TNRC18: variants seen among roughly 807,000 people sequenced by gnomAD.
The protein encoded by TNRC18 is trinucleotide repeat containing 18, also known as trinucleotide repeat-containing gene 18 protein.
In TNRC18, 69 loss-of-function variants were observed where a neutral mutation model predicts 226.7. That is an observed-to-expected ratio of 0.30 (90% CI 0.25 to 0.37). The LOEUF (loss-of-function observed/expected upper bound fraction) is 0.37, where lower values mean the gene tolerates loss of function less well. TNRC18 is among the 10% of genes least tolerant of loss of function. The pLI is 1.00. For synonymous variants in TNRC18, 2,449 were observed against 1,927.6 expected (o/e 1.27, Z -7.09); for missense variants, 4,754 against 4,256.6 (o/e 1.12, Z -3.25).
intron 18 of TNRC18, 45 bp downstream of exon 18, chr7:5,345,517 G>GGGGGGGGCGCCCCCCCCCCCCCCCCCCC: frequency 5.3e-6 from 2 of 377,744 alleles, no homozygotes; most frequent in Non-Finnish European, 9.7e-6. Flanking sequence ...AATGGCGTCC[G>GGGGGGGGCGCCCCCCCCCCCCCCCCCCC]CCCCTCCCAC....
chr7:5,332,682 GC>G lies in TNRC18; in HGVS notation c.6086del (p.Gly2029AlafsTer4). ...PATKTSRCAKGGPLSPRKDAG... is the reference protein window; with the variant it reads ...PATKTSRCAKXGPLSPRKDAG... ...CGTCCTTGCGCGGGCTCAGGGGGCC[GC>G]CCTTGGCGCAGCGGCTGGTCTTGGT... is the stretch of plus-strand genomic sequence containing the variant. On this transcript the variant is annotated frameshift_variant, in exon 19 of 30. Transcript: ENST00000430969. LOFTEE classifies it high-confidence loss of function. 1 of 1,529,806 alleles carries G rather than the reference GC, an allele frequency of 6.5e-7. No homozygotes were observed. Among genetic ancestry groups the G allele is most frequent in the Non-Finnish European group, 8.8e-7 (1 of 1,141,506 alleles). 94.8% of individuals were successfully genotyped at this position (1,529,806 alleles called of 1,614,324 possible). A position where few individuals can be genotyped will look rare whatever the true frequency, so the allele number is the denominator to read the frequency against.
At chr7:5,362,061 G>A (rs764029984) in intron 12 of TNRC18, 28 bp from the exon 13 acceptor site, 14 of 1,608,246 alleles carry the variant, frequency 8.7e-6, no homozygotes, top group Admixed American at 3.4e-5. Flanking sequence ...AGAGGAGGAG[G>A]GGGTGAGGAT....
At chr7:5,399,586 A>T (rs559782258) in intron 2 of TNRC18, among the ~76,000 whole-genome samples, 18 of 151,546 alleles carry the variant, frequency 1.2e-4, no homozygotes, top group Admixed American at 1.1e-3. Context: ...CACAACTGTA[A>T]TCCCAGCTAC....
chr7:5,385,651 T>C (rs1416475334), intron 5 of TNRC18, among the ~76,000 whole-genome samples: 4 of 148,120 alleles, frequency 2.7e-5, no homozygotes, highest in Non-Finnish European at 5.9e-5. Context: ...ACCACTGCAC[T>C]CCAGCGTGGT....
In TNRC18 at chr7:5,361,628, G is replaced by C. The variant is rs748119810; in HGVS notation, c.4627C>G (p.Arg1543Gly). The C allele has an allele frequency of 7.8e-6, 12 of 1,543,824 alleles. No homozygotes were observed. The East Asian group carries it at 1.7e-4, about 22-fold the overall frequency. The part of the protein sequence containing the change: ...THAPSALSPP[R>G]KRGKSGHSSG... The stretch of plus-strand genomic sequence containing the variant: ...CTGTGGCCGCTCTTCCCTCTCTTGC[G>C]GGGGGGCGACAGGGCGCTCGGGGCG... The change falls in exon 14 of 30, where the codon CGC becomes GGC. Residue 1543 changes from arginine to glycine, a missense_variant. Coordinates refer to ENST00000430969, the MANE Select transcript of TNRC18 (RefSeq NM_001080495.3).
intron 17 of TNRC18, 35 bp from the exon 18 acceptor site, chr7:5,345,845 T>C (rs1266334066): frequency 3.3e-6 from 5 of 1,519,868 alleles, no homozygotes; most frequent in African/African-American, 1.4e-5. Context: ...AGTCAGAGCC[T>C]TGGCCTTGGC....
Position 5,364,462 on chromosome 7 carries a change from A to AACACACACACAC in TNRC18, c.4220-1649_4220-1638dup, listed in dbSNP as rs58752853. Among the ~76,000 whole-genome samples the AACACACACACAC allele has an allele frequency of 3.7e-3, 430 of 116,658 alleles. 3 individuals carry two copies. Among genetic ancestry groups the AACACACACACAC allele is most frequent in the Admixed American group, 4.9e-3 (53 of 10,884 alleles). The allele number at this position is 116,658 out of a possible 152,430, so 76.5% of individuals were successfully genotyped here. A position where few individuals can be genotyped will look rare whatever the true frequency, so the allele number is the denominator to read the frequency against. ...AACAGAGCGAGCCTGTCTCAAAGAA[A>AACACACACACAC]ACACACACACACACACACACACACA... On this transcript the variant is annotated intron_variant, in intron 11 of 29. Transcript: ENST00000430969.
intron 24 of TNRC18, among the ~76,000 whole-genome samples, chr7:5,316,301 CAG>C (rs1491043443): frequency 1.4e-5 from 1 of 70,112 alleles, no homozygotes; most frequent in Non-Finnish European, 2.4e-5. Context: ...TTTTTTGAGA[CAG>C]AGTTTCGCTG....
chr7:5,399,475 G>A (rs761280416), intron 2 of TNRC18, among the ~76,000 whole-genome samples: 2 of 152,204 alleles, frequency 1.3e-5, no homozygotes, highest in Non-Finnish European at 2.9e-5. Context: ...CACTTTGGGA[G>A]GACGAGGCGG....
intron 25 of TNRC18, among the ~76,000 whole-genome samples, 167 bp downstream of exon 25, chr7:5,315,789 G>T (rs1369297187): frequency 6.6e-6 from 1 of 152,214 alleles, no homozygotes; most frequent in Non-Finnish European, 1.5e-5. Context: ...ATGGACCCAG[G>T]ACCTAGGAGC....
chr7:5,321,848 T>C (rs918229323), intron 21 of TNRC18, among the ~76,000 whole-genome samples: 1 of 151,796 alleles, frequency 6.6e-6, no homozygotes, highest in Non-Finnish European at 1.5e-5. Flanking sequence ...ATTTTTGTAT[T>C]TTTAGTAGAG....
Position 5,370,405 on chromosome 7 carries a change from C to T in TNRC18, c.4189G>A (p.Glu1397Lys), listed in dbSNP as rs1200044156. ...ATCTCTTGGCTCCTCCTCTCCAGCTCCAGCTCTGCGATCTCACTTAGCAGG... is the reference window on the plus strand; with the variant it reads ...ATCTCTTGGCTCCTCCTCTCCAGCTTCAGCTCTGCGATCTCACTTAGCAGG... ...ITLLSEIAEL[E>K]LERRSQEMGG... Residue 1397 changes from glutamate (E) to lysine (K), a missense_variant, in exon 11 of 30, where the codon GAG becomes AAG. By Grantham distance (56) the Glu-to-Lys change is moderately conservative. Coordinates refer to ENST00000430969, the MANE Select transcript of TNRC18 (RefSeq NM_001080495.3). 1.3e-6 allele frequency: 2 copies of T among 1,550,810 alleles called. No homozygotes were observed. The highest frequency in any genetic ancestry group is 1.7e-6 in the Non-Finnish European group (2 of 1,146,752).
chr7:5,406,627 G>A (rs535866453), intron 2 of TNRC18, among the ~76,000 whole-genome samples: 8 of 152,034 alleles, frequency 5.3e-5, no homozygotes, highest in African/African-American at 1.2e-4. Flanking sequence ...GAAGCGGGCG[G>A]ATCACCTGAA....
chr7:5,317,580 G>C (rs1460185359), intron 24 of TNRC18, among the ~76,000 whole-genome samples: 3 of 151,590 alleles, frequency 2.0e-5, no homozygotes, highest in East Asian at 3.9e-4. Flanking sequence ...GACAGAGCAA[G>C]ACTCTGTCTC....
chr7:5,406,906 G>A lies in TNRC18; in HGVS notation c.188-12311C>T, dbSNP rs150544149. On this transcript the variant is annotated intron_variant, in intron 2 of 29. Transcript: ENST00000430969. ...AAGAAAAGAAAAGAAGAGCCAAGAA[G>A]TGAAAAAGGAAAACAGACAAATTCC... Among the ~76,000 whole-genome samples the A allele has an allele frequency of 5.1e-3, 782 of 152,046 alleles. 8 individuals are homozygous for A. Among genetic ancestry groups the A allele is most frequent in the African/African-American group, 0.018 (751 of 41,468 alleles).
chr7:5,415,478 G>A (rs1298952843), intron 2 of TNRC18, among the ~76,000 whole-genome samples: 5 of 148,002 alleles, frequency 3.4e-5, no homozygotes, highest in African/African-American at 1.3e-4. Flanking sequence ...CCGTGTTCAA[G>A]TGATTCTCCT....
At chr7:5,420,786 T>G in intron 2 of TNRC18, 3 of 656,402 alleles carry the variant, frequency 4.6e-6, no homozygotes, top group African/African-American at 1.8e-5. Context: ...GCCCCGGGGA[T>G]TGGAATCGCC....
In TNRC18 at chr7:5,312,899, G is replaced by A. The variant is rs376153797; in HGVS notation, c.7992C>T (p.Ser2664=). 701 of 1,399,266 alleles carry A rather than the reference G, an allele frequency of 5.0e-4. 4 individuals carry two copies. The highest frequency in any genetic ancestry group is 4.6e-4 in the Admixed American group (20 of 43,706). The allele number at this position is 1,399,266 out of a possible 1,614,324, so 86.7% of individuals were successfully genotyped here. ...TGGTGGAGGAAGAAGAGGAGGAAGA[G>A]GAGGAGGAGGAGGAGGATGAGGACG... ...SSSSSSSSSS[S]SSSSSSSTTD... is the part of the protein sequence containing the mutation. The change falls in exon 27 of 30, where the codon TCC becomes TCT. Residue 2664 remains serine, a synonymous_variant. Coordinates refer to ENST00000430969, the MANE Select transcript of TNRC18 (RefSeq NM_001080495.3). This position sits in a 1 kb window ranked among gnomAD's most constrained non-coding sequence, Gnocchi z 6.3.
In TNRC18 at chr7:5,371,368, CCA is replaced by C. The variant is rs1291483312; in HGVS notation, c.3230-6_3230-5del. Reference sequence around the variant, plus strand: ...AACGGGTACCTGGGCGGGATATCTGCCAAGGACACAGGGGTCAGCATGGGAGC... The same window carrying C: ...AACGGGTACCTGGGCGGGATATCTGCAGGACACAGGGGTCAGCATGGGAGC... On this transcript the variant is annotated splice_region_variant and splice_polypyrimidine_tract_variant and intron_variant, in intron 10 of 29. Coordinates refer to ENST00000430969, the MANE Select transcript of TNRC18 (RefSeq NM_001080495.3). 6 of 1,504,268 alleles carry C rather than the reference CCA, an allele frequency of 4.0e-6. No individual in the cohort carries two copies. Among genetic ancestry groups the C allele is most frequent in the Non-Finnish European group, 5.3e-6 (6 of 1,133,294 alleles). The allele number at this position is 1,504,268 out of a possible 1,614,324, so 93.2% of individuals were successfully genotyped here.
Sources: allele counts gnomAD v4.1 joint callset (sites outside exome capture counted in the v4.1 genomes callset), GRCh38; gene constraint gnomAD v4.1.1; non-coding constraint Gnocchi (gnomAD v3.1); transcripts MANE v1.5; gene names NCBI Gene and HGNC (gene_info 2026-07-23, HGNC 2026-07-21).